The following SLC6A18 variants were observed in gnomAD, a reference collection of about 807,000 sequenced individuals.
The protein encoded by SLC6A18 is solute carrier family 6 member 18.
SLC6A18 carries 58 observed loss-of-function variants against 62.9 expected under a neutral mutation model. The ratio of observed to expected loss-of-function variants is 0.92; its 90% CI spans 0.75 to 1.15. SLC6A18 has a LOEUF of 1.15. Ranked by LOEUF, SLC6A18 falls within the 50% of genes most tolerant of loss-of-function variation. SLC6A18 has a pLI of 0.00. For synonymous variants in SLC6A18, 382 were observed against 365.8 expected (o/e 1.04, Z -0.51); for missense variants, 793 against 836.6 (o/e 0.95, Z 0.64).
chr5:1,242,978 G>A, intron 8 of SLC6A18, 115 bp downstream of exon 8: 1 of 1,275,918 alleles, frequency 7.8e-7, no homozygotes. Context: ...CCCAGGGCCA[G>A]GGCCTGTGAA....
At chr5:1,230,999 C>T (rs1746717296) in intron 1 of SLC6A18, among the ~76,000 whole-genome samples, 1 of 152,212 alleles carries the variant, frequency 6.6e-6, no homozygotes, top group Non-Finnish European at 1.5e-5. Flanking sequence ...GCCTCTTCAG[C>T]AGCGTAGTGA....
chr5:1,236,857 C>T (rs1354742546), intron 4 of SLC6A18, among the ~76,000 whole-genome samples: 2 of 152,116 alleles, frequency 1.3e-5, no homozygotes, highest in Non-Finnish European at 2.9e-5. Context: ...TGGGGGTCTT[C>T]ATGCTTGAGA....
rs927041886 is a variant in SLC6A18 at position 1,243,293 on chromosome 5, T to C, written c.1132-262T>C. 7.2e-5 allele frequency among the ~76,000 whole-genome samples: 11 copies of C among 152,158 alleles called. No individual in the cohort carries two copies. The highest frequency in any genetic ancestry group is 1.9e-4 in the African/African-American group (8 of 41,436). On this transcript the variant is annotated intron_variant, in intron 8 of 11. Transcript: ENST00000324642. This position sits in a 1 kb window ranked among gnomAD's most constrained non-coding sequence, Gnocchi z 6.5. ...GGATGCATCTCAGGGTGCCTGACTCTAGGCATAAAAGGCGCTGGTTTCTAG... is the reference window on the plus strand; with the variant it reads ...GGATGCATCTCAGGGTGCCTGACTCCAGGCATAAAAGGCGCTGGTTTCTAG...
intron 10 of SLC6A18, 74 bp from the exon 11 acceptor site, chr5:1,244,534 G>A (rs1037136808): frequency 6.5e-7 from 1 of 1,548,502 alleles, no homozygotes; most frequent in African/African-American, 1.4e-5. Context: ...ACCCCAGTTA[G>A]GGTCCGATCC....
chr5:1,240,024 C>T (rs1259521581), intron 6 of SLC6A18, among the ~76,000 whole-genome samples: 3 of 152,238 alleles, frequency 2.0e-5, no homozygotes, highest in Non-Finnish European at 4.4e-5. Flanking sequence ...CTGCCCCCTT[C>T]GGAGGCAGGC....
chr5:1,245,980 A>G lies in SLC6A18; in HGVS notation c.1789A>G (p.Thr597Ala). Residue 597 changes from threonine to alanine, a missense_variant, in exon 12 of 12, where the codon ACG becomes GCG. Thr to Ala is a moderately conservative substitution (Grantham distance 58, BLOSUM62 0). Transcript: ENST00000324642. ...TCAGCTGCTCACCCGGCGGAGGCGGACGTGGAGGGACAGGGACGCGCGCCC... is the reference window on the plus strand; with the variant it reads ...TCAGCTGCTCACCCGGCGGAGGCGGGCGTGGAGGGACAGGGACGCGCGCCC... ...LAQLLTRRRR[T>A]WRDRDARPDT... The G allele has an allele frequency of 6.3e-7, 1 of 1,599,726 alleles. No individual in the cohort carries two copies. The highest frequency in any genetic ancestry group is 8.5e-7 in the Non-Finnish European group (1 of 1,178,450).
In SLC6A18 at chr5:1,226,365, C is replaced by T. The variant is rs1020258044; in HGVS notation, c.160+728C>T. 2.6e-5 allele frequency among the ~76,000 whole-genome samples: 4 copies of T among 152,168 alleles called. 1 individual carries two copies. Among genetic ancestry groups the T allele is most frequent in the Middle Eastern group, 6.3e-3 (2 of 316 alleles). On this transcript the variant is annotated intron_variant, in intron 1 of 11. Coordinates refer to ENST00000324642, the MANE Select transcript of SLC6A18 (RefSeq NM_182632.3). ...TGAATCACTGCTCTCAGGGAGCCGA[C>T]GTACAACATCACGCATGGACACCCA...
chr5:1,242,636 C>T, intron 7 of SLC6A18, 71 bp from the exon 8 acceptor site: 2 of 1,534,824 alleles, frequency 1.3e-6, no homozygotes, highest in Non-Finnish European at 1.8e-6. Context: ...CTTCGCAGCA[C>T]CAACCAAGGG....
At chr5:1,235,728 A>T in intron 4 of SLC6A18, 66 bp downstream of exon 4, 1 of 1,539,288 alleles carries the variant, frequency 6.5e-7, no homozygotes, top group Non-Finnish European at 8.9e-7. Context: ...CTCCCCATTG[A>T]CCTGTGTTCG....
intron 9 of SLC6A18, 37 bp from the exon 10 acceptor site, chr5:1,244,177 T>TA: frequency 7.7e-6 from 3 of 387,124 alleles, no homozygotes; most frequent in Non-Finnish European, 9.4e-6. Context: ...CCACTCCCCA[T>TA]CCCCTTACCC....
At position 1,243,884 on chromosome 5, in the gene SLC6A18, G is replaced by T; in HGVS notation, c.1336+125G>T. 1.1e-6 allele frequency: 1 copy of T among 943,496 alleles called. No homozygotes were observed. The allele number at this position is 943,496 out of a possible 1,614,324, so 58.4% of individuals were successfully genotyped here. A position where few individuals can be genotyped will look rare whatever the true frequency, so the allele number is the denominator to read the frequency against. ...GGGGCCAAGCCTGAGTTCAGGGAAAGGCTGAGCCAGGCTACTCCTTGCTGA... is the reference window on the plus strand; with the variant it reads ...GGGGCCAAGCCTGAGTTCAGGGAAATGCTGAGCCAGGCTACTCCTTGCTGA... On this transcript the variant is annotated intron_variant, in intron 9 of 11. Transcript: ENST00000324642. This position sits in a 1 kb window ranked among gnomAD's most constrained non-coding sequence, Gnocchi z 6.5.
At chr5:1,239,384 A>G (rs1561179260) in intron 5 of SLC6A18, 66 bp from the exon 6 acceptor site, 2 of 1,239,672 alleles carry the variant, frequency 1.6e-6, no homozygotes, top group East Asian at 4.6e-5. Flanking sequence ...ACGTTCTGGA[A>G]CAGTCAGGGC....
At chr5:1,227,086 ACG>A (rs1746601213) in intron 1 of SLC6A18, among the ~76,000 whole-genome samples, 1 of 79,360 alleles carries the variant, frequency 1.3e-5, no homozygotes. Flanking sequence ...TTGCCCGCCG[ACG>A]CCTTGCCCGC....
chr5:1,226,768 C>A (rs538499658), intron 1 of SLC6A18, among the ~76,000 whole-genome samples: 33 of 152,268 alleles, frequency 2.2e-4, no homozygotes, highest in African/African-American at 7.9e-4. Flanking sequence ...AGGGCAGAGG[C>A]GTCCCTGGCT....
At chr5:1,244,186 C>CCCCTTTCCCCCT in intron 9 of SLC6A18, 28 bp from the exon 10 acceptor site, 1 of 1,071,002 alleles carries the variant, frequency 9.3e-7, no homozygotes, top group Non-Finnish European at 1.4e-6. Context: ...ATCCCCTTAC[C>CCCCTTTCCCCCT]CCCCACACCC....
intron 3 of SLC6A18, among the ~76,000 whole-genome samples, chr5:1,234,759 C>T (rs1217895961): frequency 6.6e-6 from 1 of 152,240 alleles, no homozygotes; most frequent in African/African-American, 2.4e-5. Context: ...TGTGACAGTG[C>T]TTGATGTCAA....
chr5:1,232,929 C>G lies in SLC6A18; in HGVS notation c.439+41C>G, dbSNP rs113094767. 9.4e-4 allele frequency: 1,476 copies of G among 1,575,422 alleles called. 9 individuals are homozygous for G. The African/African-American group carries it at 0.017, about 18-fold the overall frequency. ...CCTGCTGTGTGGGTCCGTGCACGGC[C>G]GAGAGAGGCATGTGCTGCAGCGTGT... On this transcript the variant is annotated intron_variant, in intron 3 of 11. Transcript: ENST00000324642.
intron 1 of SLC6A18, among the ~76,000 whole-genome samples, chr5:1,229,645 G>A (rs370316591): frequency 1.9e-4 from 29 of 152,310 alleles, no homozygotes; most frequent in African/African-American, 6.3e-4. Flanking sequence ...TCCTCCACCC[G>A]GCCACTGTGC....
chr5:1,239,514 C>G lies in SLC6A18; in HGVS notation c.797C>G (p.Ser266Cys), dbSNP rs1055002253. The G allele has an allele frequency of 6.2e-7, 1 of 1,614,086 alleles. No individual in the cohort carries two copies. The highest frequency in any genetic ancestry group is 8.5e-7 in the Non-Finnish European group (1 of 1,180,028). Reference sequence around the variant, plus strand: ...GCCACCCAGATATTCTTCTCTCTGTCCCTGGCCTTCGGAGGACACATCGCT... The same window carrying G: ...GCCACCCAGATATTCTTCTCTCTGTGCCTGGCCTTCGGAGGACACATCGCT... ...DAATQIFFSL[S>C]LAFGGHIAFA... The change falls in exon 6 of 12, where the codon TCC (serine) becomes TGC (cysteine). Residue 266 changes from serine to cysteine, a missense_variant. By Grantham distance (112) the Ser-to-Cys change is moderately radical. Transcript: ENST00000324642.
Sources: gnomAD v4.1 joint callset for allele counts (sites outside exome capture counted in the v4.1 genomes callset) on GRCh38, gnomAD v4.1.1 for gene constraint, Gnocchi (gnomAD v3.1) non-coding constraint, MANE v1.5 for transcripts, NCBI Gene and HGNC (gene_info 2026-07-23, HGNC 2026-07-21) for gene names.